CFAP44: variants seen among roughly 807,000 people sequenced by gnomAD.
The protein encoded by CFAP44 is cilia- and flagella-associated protein 44.
A neutral mutation model predicts 216.2 loss-of-function variants in CFAP44; 134 were observed. The ratio of observed to expected loss-of-function variants is 0.62; its 90% CI spans 0.54 to 0.72. The LOEUF is 0.72. Among genes scored for constraint, CFAP44 ranks in the 30% least tolerant of loss-of-function variants. The probability of loss-of-function intolerance (pLI) is 0.00; values close to 1 mark genes in which losing one functional copy is unlikely to be tolerated. For synonymous variants in CFAP44, 700 were observed against 727.6 expected (o/e 0.96, Z 0.61); for missense variants, 2,035 against 2,182.1 (o/e 0.93, Z 1.34).
intron 28 of CFAP44, among the ~76,000 whole-genome samples, chr3:113,311,390 T>C (rs1386014561): frequency 6.6e-6 from 1 of 152,222 alleles, no homozygotes; most frequent in Admixed American, 6.5e-5. Context: ...GTTTCCCCCA[T>C]ACTGTTCTCA....
chr3:113,333,521 G>C lies in CFAP44; in HGVS notation c.3500C>G (p.Ala1167Gly), dbSNP rs1950257445. The change falls in exon 25 of 35, where the codon GCC becomes GGC. Residue 1167 changes from alanine (A) to glycine (G), a missense_variant. Ala to Gly is a moderately conservative substitution (Grantham distance 60). Transcript: ENST00000393845. Reference sequence around the variant, plus strand: ...ATTGAAATCTCCCATATACACCTGGGCTTCTTTGATGGCTTGAAGATCTTT... The same window carrying C: ...ATTGAAATCTCCCATATACACCTGGCCTTCTTTGATGGCTTGAAGATCTTT... ...DPKDLQAIKE[A>G]QVYMGDFNLK... 2.0e-6 allele frequency: 3 copies of C among 1,536,946 alleles called. No individual in the cohort carries two copies. Among genetic ancestry groups the C allele is most frequent in the South Asian group, 2.4e-5 (2 of 84,042 alleles).
Position 113,374,072 on chromosome 3 carries a change from A to C in CFAP44, c.2299-516T>G, listed in dbSNP as rs1398134591. ...TATTACTGAGATTCCTTATTATAGG[A>C]AACAAATTAAGGGTCAGAACAACTT... On this transcript the variant is annotated intron_variant, in intron 17 of 34. Transcript: ENST00000393845. Among the ~76,000 whole-genome samples the C allele has an allele frequency of 2.0e-5, 3 of 152,172 alleles. No individual in the cohort carries two copies. The East Asian group carries it at 5.8e-4, about 29-fold the overall frequency.
intron 32 of CFAP44, among the ~76,000 whole-genome samples, chr3:113,302,757 A>G (rs1949949536): frequency 7.2e-6 from 1 of 139,166 alleles, no homozygotes; most frequent in Admixed American, 7.4e-5. Context: ...TGGGCGATAG[A>G]GTGAGACTCC....
Position 113,433,544 on chromosome 3 carries a change from A to G in CFAP44, c.100+21T>C, listed in dbSNP as rs1469921012. On this transcript the variant is annotated intron_variant, in intron 2 of 34. Transcript: ENST00000393845. ...ACCTAAGTTTAATACTTTTAAAAGT[A>G]TACATATTATCTTTACTTACATCTT... 2.6e-6 allele frequency: 4 copies of G among 1,521,986 alleles called. No individual in the cohort carries two copies. The South Asian group carries it at 4.5e-5, about 17-fold the overall frequency. The allele number at this position is 1,521,986 out of a possible 1,614,324, so 94.3% of individuals were successfully genotyped here. A position where few individuals can be genotyped will look rare whatever the true frequency, so the allele number is the denominator to read the frequency against.
chr3:113,391,899 T>C (rs1486906208), intron 15 of CFAP44, among the ~76,000 whole-genome samples: 2 of 152,164 alleles, frequency 1.3e-5, no homozygotes, highest in Non-Finnish European at 2.9e-5. Context: ...AGACAGGCAA[T>C]GCCAAATGCT....
intron 28 of CFAP44, among the ~76,000 whole-genome samples, chr3:113,309,289 A>C (rs1950015369): frequency 6.6e-6 from 1 of 152,180 alleles, no homozygotes; most frequent in African/African-American, 2.4e-5. Context: ...CCTCAGCAAA[A>C]GTCCTGTTAA....
intron 32 of CFAP44, among the ~76,000 whole-genome samples, chr3:113,303,156 A>C (rs1383973844): frequency 1.3e-5 from 2 of 152,138 alleles, no homozygotes; most frequent in Non-Finnish European, 2.9e-5. Context: ...TTGTTCAACC[A>C]CTTTGGGGGC....
At chr3:113,343,092 C>A (rs1239535118) in intron 23 of CFAP44, among the ~76,000 whole-genome samples, 1 of 126,404 alleles carries the variant, frequency 7.9e-6, no homozygotes, top group Non-Finnish European at 1.6e-5. Flanking sequence ...GACAGAGTCT[C>A]ACTTTGTCAC....
At chr3:113,404,790 G>C (rs2107365637) in intron 8 of CFAP44, among the ~76,000 whole-genome samples, 1 of 152,246 alleles carries the variant, frequency 6.6e-6, no homozygotes, top group East Asian at 1.9e-4. Context: ...CCATTTTACA[G>C]AGGAGAACAT....
intron 7 of CFAP44, among the ~76,000 whole-genome samples, chr3:113,407,482 T>A (rs537925630): frequency 1.3e-5 from 2 of 152,226 alleles, no homozygotes; most frequent in Admixed American, 1.3e-4. Flanking sequence ...GAAAGTTCTA[T>A]TAGACAGTAT....
At chr3:113,352,158 A>T (rs902296314) in intron 22 of CFAP44, among the ~76,000 whole-genome samples, 1 of 152,226 alleles carries the variant, frequency 6.6e-6, no homozygotes, top group Non-Finnish European at 1.5e-5. Flanking sequence ...TGCACCAATC[A>T]GCGCTCTGTG....
rs150161457 is a variant in CFAP44, at chr3:113,395,710, A to G, written c.1890+40T>C. The G allele has an allele frequency of 1.6e-4, 250 of 1,518,660 alleles. No homozygotes were observed. The East Asian group carries it at 4.6e-3, about 28-fold the overall frequency. 94.1% of individuals were successfully genotyped at this position (1,518,660 alleles called of 1,614,324 possible). ...CTACAAGATAGTTTCACTATGTAGT[A>G]ATTGAGATTCAAACAGGAAGACAAA... On this transcript the variant is annotated intron_variant, in intron 15 of 34. Coordinates refer to ENST00000393845, the MANE Select transcript of CFAP44 (RefSeq NM_001164496.2).
chr3:113,357,286 A>T (rs1950500535), intron 22 of CFAP44, among the ~76,000 whole-genome samples: 1 of 152,202 alleles, frequency 6.6e-6, no homozygotes. Flanking sequence ...TCAGAGTGTG[A>T]CCTTATTTGA....
chr3:113,408,589 G>A (rs1441450406), intron 7 of CFAP44, among the ~76,000 whole-genome samples: 1 of 152,176 alleles, frequency 6.6e-6, no homozygotes, highest in Non-Finnish European at 1.5e-5. Flanking sequence ...ATTTGGCTGG[G>A]CACAGTGGCT....
chr3:113,349,186 T>A (rs1285939400), intron 22 of CFAP44, among the ~76,000 whole-genome samples: 2 of 152,036 alleles, frequency 1.3e-5, no homozygotes, highest in Non-Finnish European at 2.9e-5. Context: ...AGGAAGAAAA[T>A]CCTTCTGCCT....
chr3:113,427,547 T>G (rs558394729), intron 2 of CFAP44: 22 of 468,828 alleles, frequency 4.7e-5, no homozygotes, highest in African/African-American at 4.1e-4. Context: ...CATTTTCACT[T>G]CATTTTCAGT....
chr3:113,330,158 C>G lies in CFAP44; in HGVS notation c.4116+10G>C. 6.6e-7 allele frequency: 1 copy of G among 1,511,040 alleles called. No individual in the cohort carries two copies. Among genetic ancestry groups the G allele is most frequent in the Non-Finnish European group, 8.8e-7 (1 of 1,133,048 alleles). The allele number at this position is 1,511,040 out of a possible 1,614,324, so 93.6% of individuals were successfully genotyped here. ...TTTCAGCTTTAACTAGGAACAGGTTCACCCCTTACCCTGTTGACCAAATAC... is the reference window on the plus strand; with the variant it reads ...TTTCAGCTTTAACTAGGAACAGGTTGACCCCTTACCCTGTTGACCAAATAC... On this transcript the variant is annotated intron_variant, in intron 26 of 34. Coordinates refer to ENST00000393845, the MANE Select transcript of CFAP44 (RefSeq NM_001164496.2).
At chr3:113,426,018 A>G in intron 4 of CFAP44, 106 bp downstream of exon 4, 1 of 1,373,630 alleles carries the variant, frequency 7.3e-7, no homozygotes, top group South Asian at 1.5e-5. Context: ...TTGATTTACC[A>G]AAACAGGTGG....
intron 22 of CFAP44, among the ~76,000 whole-genome samples, chr3:113,353,069 C>T (rs1950460006): frequency 6.6e-6 from 1 of 152,136 alleles, no homozygotes; most frequent in South Asian, 2.1e-4. Flanking sequence ...GAGGTGAACC[C>T]TGACTCAAAG....
Sources: gnomAD v4.1 joint callset for allele counts (sites outside exome capture counted in the v4.1 genomes callset) on GRCh38, gnomAD v4.1.1 for gene constraint, MANE v1.5 for transcripts, NCBI Gene and HGNC (gene_info 2026-07-23, HGNC 2026-07-21) for gene names.